The following KAZN variants were observed in gnomAD, a reference collection of about 807,000 sequenced individuals.
KAZN encodes kazrin, periplakin interacting protein.
In KAZN, 40 loss-of-function variants were observed where a neutral mutation model predicts 87.4. That is an observed-to-expected ratio of 0.46 (90% confidence interval 0.36 to 0.60). The LOEUF is 0.60. Among genes scored for constraint, KAZN ranks in the 20% least tolerant of loss-of-function variants. The pLI is 0.00. For synonymous variants in KAZN, 466 were observed against 458.3 expected, an observed-to-expected ratio of 1.02 and a Z score of -0.22; for missense variants, 898 against 1,073.9, an observed-to-expected ratio of 0.84 and a Z score of 2.29.
chr1:14,523,991 C>CGTTTT (rs57675147), intron 2 of KAZN, among the ~76,000 whole-genome samples: 27,925 of 148,836 alleles, frequency 0.19, 2,654 homozygotes, highest in Non-Finnish European at 0.19. Context: ...GCGTGTCACT[C>CGTTTT]GTTTTGTTTT....
chr1:14,376,557 C>G (rs192616104), intron 2 of KAZN, among the ~76,000 whole-genome samples: 25 of 152,064 alleles, frequency 1.6e-4, no homozygotes, highest in African/African-American at 5.8e-4. Context: ...TTCAACTTCC[C>G]GGGCTCCAGA....
At chr1:14,397,396 T>C (rs1257401841) in intron 2 of KAZN, among the ~76,000 whole-genome samples, 1 of 152,174 alleles carries the variant, frequency 6.6e-6, no homozygotes, top group South Asian at 2.1e-4. Context: ...GAATTTTGTC[T>C]CTTCTTTTTC....
chr1:14,829,675 A>AG, intron 1 of KAZN, among the ~76,000 whole-genome samples: 1 of 152,290 alleles, frequency 6.6e-6, no homozygotes, highest in African/African-American at 2.4e-5. Context: ...ACTGGAGGAG[A>AG]GACGACTGTT....
chr1:14,786,560 A>G (rs1645514811), intron 1 of KAZN, among the ~76,000 whole-genome samples: 1 of 152,228 alleles, frequency 6.6e-6, no homozygotes, highest in Non-Finnish European at 1.5e-5. Flanking sequence ...ATAAGGAGCC[A>G]CTATAAGCGC....
At chr1:14,830,877 A>T (rs2100875587) in intron 1 of KAZN, among the ~76,000 whole-genome samples, 2 of 152,288 alleles carry the variant, frequency 1.3e-5, no homozygotes, top group Admixed American at 1.3e-4. Context: ...AGAAATGTGG[A>T]TGCTGTCATG....
intron 2 of KAZN, among the ~76,000 whole-genome samples, chr1:14,323,568 C>T (rs1009397665): frequency 2.6e-5 from 4 of 152,130 alleles, no homozygotes; most frequent in African/African-American, 7.2e-5. Flanking sequence ...AGACCCACAT[C>T]CACTGTTCAT....
chr1:14,543,980 A>G lies in KAZN; in HGVS notation c.250-55003A>G, dbSNP rs535857450. Among the ~76,000 whole-genome samples, 4 of 152,354 alleles carry G rather than the reference A, an allele frequency of 2.6e-5. No individual in the cohort carries two copies. The South Asian group carries it at 8.3e-4, about 32-fold the overall frequency. Reference sequence around the variant, plus strand: ...GAATGGATTCTCTAAGATTGTGTCTAAACACATGTTTAATAAGATAGCAAA... The same window carrying G: ...GAATGGATTCTCTAAGATTGTGTCTGAACACATGTTTAATAAGATAGCAAA... On this transcript the variant is annotated intron_variant, in intron 2 of 16. Transcript: ENST00000636203.
chr1:14,813,620 C>A (rs113466044), intron 1 of KAZN, among the ~76,000 whole-genome samples: 3 of 152,204 alleles, frequency 2.0e-5, no homozygotes, highest in Admixed American at 2.0e-4. Flanking sequence ...AAATAAATGA[C>A]TATTGTTATT....
intron 2 of KAZN, among the ~76,000 whole-genome samples, chr1:14,216,092 C>T (rs1646951763): frequency 1.3e-5 from 2 of 152,028 alleles, no homozygotes; most frequent in Non-Finnish European, 2.9e-5. Flanking sequence ...ACATGAATGT[C>T]ATTAACAAAT....
At chr1:15,091,960 G>A (rs116680909) in intron 8 of KAZN, among the ~76,000 whole-genome samples, 1 of 143,826 alleles carries the variant, frequency 7.0e-6, no homozygotes, top group South Asian at 2.3e-4. Flanking sequence ...GTTGTGTCCT[G>A]TCTCTATGGA....
At chr1:14,079,620 T>C (rs1355849599) in intron 1 of KAZN, among the ~76,000 whole-genome samples, 2 of 152,222 alleles carry the variant, frequency 1.3e-5, no homozygotes, top group Non-Finnish European at 2.9e-5. Context: ...CGGAATGATG[T>C]CTTTTGCTTC....
intron 1 of KAZN, chr1:14,180,372 A>T: frequency 6.9e-7 from 1 of 1,440,564 alleles, no homozygotes; most frequent in Non-Finnish European, 9.4e-7. Context: ...CAAAATGGCT[A>T]GTCAATTTCT....
chr1:14,927,579 G>A (rs1409704066), intron 1 of KAZN, among the ~76,000 whole-genome samples: 1 of 152,112 alleles, frequency 6.6e-6, no homozygotes, highest in Non-Finnish European at 1.5e-5. Context: ...AAGGCAAGAG[G>A]GTGTTGCCGA....
intron 1 of KAZN, among the ~76,000 whole-genome samples, chr1:14,615,371 T>A (rs1353108574): frequency 6.6e-6 from 1 of 152,206 alleles, no homozygotes; most frequent in African/African-American, 2.4e-5. Context: ...TCAACACCTG[T>A]AATCCTAGTA....
chr1:15,013,323 A>G (rs1669763082), intron 2 of KAZN, among the ~76,000 whole-genome samples: 1 of 152,206 alleles, frequency 6.6e-6, no homozygotes, highest in Non-Finnish European at 1.5e-5. Flanking sequence ...TTTATATTCG[A>G]GTGGGGGAGG....
intron 2 of KAZN, among the ~76,000 whole-genome samples, chr1:14,402,048 AAAC>A (rs1260445491): frequency 1.1e-4 from 16 of 151,194 alleles, no homozygotes; most frequent in African/African-American, 2.2e-4. Flanking sequence ...TCAAAAAGGC[AAAC>A]AACAATTTTA....
intron 2 of KAZN, among the ~76,000 whole-genome samples, chr1:14,404,635 T>TA: frequency 6.6e-6 from 1 of 150,418 alleles, no homozygotes; most frequent in South Asian, 2.1e-4. Flanking sequence ...AAGAAAAACT[T>TA]AGAAATAATT....
intron 2 of KAZN, among the ~76,000 whole-genome samples, chr1:14,441,122 C>G (rs894523396): frequency 6.6e-6 from 1 of 152,088 alleles, no homozygotes; most frequent in Non-Finnish European, 1.5e-5. Flanking sequence ...TTGAGCAGCC[C>G]CTGGACCATC....
rs757118365 is a variant in KAZN, at chr1:13,945,710, T to TGTGTGTGTGTGTGTGAGA, written c.91+51955_91+51956insTGTGTGTGTGTGTGAGAG. ...GTGTGTGTGTGTGTGTGTGTGTGTG[T>TGTGTGTGTGTGTGTGAGA]GAGAGAGAGAGAGAGAGAGAGAGAG... On this transcript the variant is annotated intron_variant, in intron 1 of 16. Transcript: ENST00000636203. Among the ~76,000 whole-genome samples the TGTGTGTGTGTGTGTGAGA allele has an allele frequency of 2.6e-4, 36 of 137,268 alleles. No homozygotes were observed. In the East Asian group the frequency reaches 8.1e-3, roughly 31 times the overall value. 90.1% of individuals were successfully genotyped at this position (137,268 alleles called of 152,430 possible).
Sources: gnomAD v4.1 joint callset for allele counts (sites outside exome capture counted in the v4.1 genomes callset) on GRCh38, gnomAD v4.1.1 for gene constraint, MANE v1.5 for transcripts, NCBI Gene and HGNC (gene_info 2026-07-23, HGNC 2026-07-21) for gene names.